The following SYTL5 variants were observed in gnomAD, a reference collection of about 807,000 sequenced individuals.
The protein encoded by SYTL5 is synaptotagmin like 5, also known as synaptotagmin-like protein 5.
SYTL5 carries 34 observed loss-of-function variants against 55.9 expected under a neutral mutation model. The ratio of observed to expected loss-of-function variants is 0.61; its 90% CI spans 0.46 to 0.81. The LOEUF is 0.81. Among genes scored for constraint, SYTL5 ranks in the 30% least tolerant of loss-of-function variants. SYTL5 has a pLI of 0.00. For synonymous variants in SYTL5, 221 were observed against 188.7 expected (o/e 1.17, Z -1.40); for missense variants, 637 against 546.7 (o/e 1.17, Z -1.65).
chrX:37,953,712 A>C, the SYTL5 span, among the ~76,000 whole-genome samples: 2 of 111,755 alleles, frequency 1.8e-5, no homozygotes, highest in Admixed American at 1.9e-4. Context: ...TCACATGCCC[A>C]TCCCTCTACT....
the SYTL5 span, among the ~76,000 whole-genome samples, chrX:37,966,894 G>A: frequency 1.8e-5 from 2 of 111,449 alleles, no homozygotes; most frequent in African/African-American, 3.3e-5. Flanking sequence ...GTATGCTTTC[G>A]TTTTGCTGTT....
At chrX:38,070,697 A>G (rs1936236932) in intron 3 of SYTL5, among the ~76,000 whole-genome samples, 1 of 111,684 alleles carries the variant, frequency 9.0e-6, no homozygotes, top group African/African-American at 3.2e-5. Flanking sequence ...TACCGTAGTT[A>G]CATAGTCCTA....
intron 6 of SYTL5, among the ~76,000 whole-genome samples, chrX:38,086,493 C>T (rs1036073144): frequency 8.9e-6 from 1 of 111,992 alleles, no homozygotes; most frequent in Non-Finnish European, 1.9e-5. Context: ...GTGACATATC[C>T]CCACATTTGG....
At chrX:37,913,166 T>C in the SYTL5 span, among the ~76,000 whole-genome samples, 4 of 112,072 alleles carry the variant, frequency 3.6e-5, no homozygotes, top group South Asian at 7.4e-4. Flanking sequence ...TTAAAGATGC[T>C]GGAACAGAAA....
chrX:38,113,055 TA>T (rs1937398023), intron 13 of SYTL5, among the ~76,000 whole-genome samples: 1 of 112,179 alleles, frequency 8.9e-6, no homozygotes, highest in African/African-American at 3.2e-5. Context: ...GGTTCCTCAA[TA>T]TTTATCTTTG....
the SYTL5 span, among the ~76,000 whole-genome samples, chrX:37,898,020 C>G: frequency 9.0e-6 from 1 of 111,253 alleles, no homozygotes; most frequent in Non-Finnish European, 1.9e-5. Context: ...ATTGCTTGAA[C>G]CCGGGAGGCG....
intron 15 of SYTL5, among the ~76,000 whole-genome samples, chrX:38,124,977 T>G (rs1937612605): frequency 9.0e-6 from 1 of 111,718 alleles, no homozygotes; most frequent in Non-Finnish European, 1.9e-5. Context: ...TGAAAGTATA[T>G]CAGGAACTTC....
the SYTL5 span, among the ~76,000 whole-genome samples, chrX:37,983,477 G>A: frequency 8.9e-6 from 1 of 112,247 alleles, no homozygotes; most frequent in East Asian, 2.8e-4. Flanking sequence ...CCACTGGGAA[G>A]ATATAACGAT....
intron 1 of SYTL5, chrX:38,023,911 G>A (rs1389973751): frequency 1.0e-5 from 1 of 95,614 alleles, no homozygotes; most frequent in Non-Finnish European, 2.3e-5. Flanking sequence ...TTAGGTTGGT[G>A]TAAAAGTAAT....
the SYTL5 span, among the ~76,000 whole-genome samples, chrX:37,933,491 C>A: frequency 9.0e-6 from 1 of 111,601 alleles, no homozygotes; most frequent in Non-Finnish European, 1.9e-5. Context: ...ATTATTTGAC[C>A]TGTCTGTGGT....
At chrX:37,916,387 T>C in the SYTL5 span, among the ~76,000 whole-genome samples, 2 of 112,602 alleles carry the variant, frequency 1.8e-5, no homozygotes, top group Non-Finnish European at 3.8e-5. Flanking sequence ...TTTCCTGACT[T>C]CTCCATAAAT....
intron 2 of SYTL5, among the ~76,000 whole-genome samples, chrX:38,046,173 G>A (rs758863633): frequency 3.6e-4 from 40 of 111,684 alleles, no homozygotes; most frequent in South Asian, 7.6e-4. Flanking sequence ...GTTACCTCTC[G>A]GAGATTCCAC....
chrX:37,990,018 G>A, the SYTL5 span, among the ~76,000 whole-genome samples: 2 of 110,005 alleles, frequency 1.8e-5, no homozygotes, highest in Non-Finnish European at 3.8e-5. Context: ...GACTACAGGC[G>A]CCCGCCACCA....
chrX:38,027,206 T>C (rs779836928), intron 1 of SYTL5, among the ~76,000 whole-genome samples: 2 of 111,779 alleles, frequency 1.8e-5, no homozygotes, highest in African/African-American at 6.5e-5. Flanking sequence ...GTAAACTTAT[T>C]TTGCATTATT....
At chrX:37,997,759 C>T in the SYTL5 span, among the ~76,000 whole-genome samples, 4 of 112,370 alleles carry the variant, frequency 3.6e-5, no homozygotes, top group Non-Finnish European at 5.6e-5. Flanking sequence ...ATTGAGGCCC[C>T]GAGTTCAGGC....
rs778055407 is a variant in SYTL5 at position 38,069,535 on chromosome X, C to T, written c.330-2512C>T. Among the ~76,000 whole-genome samples, 3 of 112,054 alleles carry T rather than the reference C, an allele frequency of 2.7e-5. No homozygotes were observed. The East Asian group carries it at 8.4e-4, about 31-fold the overall frequency. ...AGAGGTCTCACTTTCCAGTCATTGC[C>T]TGTGGACCTCTACACCTCAGAGCTT... On this transcript the variant is annotated intron_variant, in intron 3 of 16. Transcript: ENST00000297875.
At chrX:37,978,367 G>C in the SYTL5 span, among the ~76,000 whole-genome samples, 1 of 111,493 alleles carries the variant, frequency 9.0e-6, no homozygotes, top group Non-Finnish European at 1.9e-5. Context: ...GGTGGTGAGG[G>C]GGAGACAAGT....
In SYTL5 at chrX:38,125,424, T is replaced by A. The variant is rs773043393; in HGVS notation, c.1968T>A (p.Val656=). The change falls in exon 16 of 17, where the codon GTT becomes GTA. Residue 656 remains valine, a synonymous_variant. Transcript: ENST00000297875. ...TCCATCCCCAGGATATAAAGAATGT[T>A]TGCCTAGAACTTACTATCTGGGACA... ...SGIHPQDIKN[V]CLELTIWDKE... 4.1e-6 allele frequency: 5 copies of A among 1,211,212 alleles called. No homozygotes were observed. The Admixed American group carries it at 1.1e-4, about 26-fold the overall frequency.
chrX:38,000,481 C>G, the SYTL5 span, among the ~76,000 whole-genome samples: 1 of 112,475 alleles, frequency 8.9e-6, no homozygotes, highest in African/African-American at 3.2e-5. Flanking sequence ...GCTCAAACCC[C>G]TAGCGGGAGC....
Sources: gnomAD v4.1 joint callset for allele counts (sites outside exome capture counted in the v4.1 genomes callset) on GRCh38, gnomAD v4.1.1 for gene constraint, MANE v1.5 for transcripts, NCBI Gene and HGNC (gene_info 2026-07-23, HGNC 2026-07-21) for gene names.